CPQ: variants seen among roughly 807,000 people sequenced by gnomAD.
CPQ encodes carboxypeptidase Q, also known as Ser-Met dipeptidase.
CPQ carries 37 observed loss-of-function variants against 45.7 expected under a neutral mutation model. The ratio of observed to expected loss-of-function variants is 0.81; its 90% CI spans 0.62 to 1.07. CPQ has a LOEUF of 1.07. CPQ is among the 50% of genes least tolerant of loss of function. CPQ has a pLI of 0.00. For missense variants in CPQ, 537 were observed against 572.9 expected, an observed-to-expected ratio of 0.94 and a Z score of 0.64; for synonymous variants, 186 against 205.8, an observed-to-expected ratio of 0.90 and a Z score of 0.82.
At chr8:96,887,271 G>A (rs915897025) in intron 4 of CPQ, among the ~76,000 whole-genome samples, 1 of 152,144 alleles carries the variant, frequency 6.6e-6, no homozygotes, top group Non-Finnish European at 1.5e-5. Context: ...AGTGCGGAAA[G>A]TTCAAATGTA....
chr8:96,782,216 C>T (rs1810696370), intron 1 of CPQ, among the ~76,000 whole-genome samples: 1 of 152,194 alleles, frequency 6.6e-6, no homozygotes, highest in Non-Finnish European at 1.5e-5. Context: ...CTGTCTGATA[C>T]ATTCTTTAAA....
At chr8:96,940,296 G>C (rs1813107703) in intron 4 of CPQ, among the ~76,000 whole-genome samples, 1 of 152,042 alleles carries the variant, frequency 6.6e-6, no homozygotes, top group South Asian at 2.1e-4. Context: ...AAAACTGAAG[G>C]TTAACATTGC....
intron 1 of CPQ, among the ~76,000 whole-genome samples, chr8:96,753,500 A>G (rs943088514): frequency 6.6e-6 from 1 of 151,360 alleles, no homozygotes; most frequent in Admixed American, 6.6e-5. Flanking sequence ...TTATCTTTCC[A>G]TTTGTTTAAG....
chr8:96,934,923 T>C (rs1169568416), intron 4 of CPQ, among the ~76,000 whole-genome samples: 1 of 152,204 alleles, frequency 6.6e-6, no homozygotes, highest in Non-Finnish European at 1.5e-5. Flanking sequence ...TCTTCCACTA[T>C]GCAGCCTACA....
intron 1 of CPQ, among the ~76,000 whole-genome samples, chr8:96,686,934 A>G (rs990886989): frequency 6.6e-6 from 1 of 152,030 alleles, no homozygotes; most frequent in Admixed American, 6.6e-5. Context: ...TTAATTCTCA[A>G]ATTTACTCAC....
intron 3 of CPQ, among the ~76,000 whole-genome samples, chr8:96,850,022 CACCCAGCCTT>C (rs991049146): frequency 1.3e-5 from 2 of 152,180 alleles, no homozygotes; most frequent in African/African-American, 4.8e-5. Flanking sequence ...CATCAGACTA[CACCCAGCCTT>C]CCAGGATTAA....
chr8:96,867,075 T>A (rs1812005342), intron 3 of CPQ, among the ~76,000 whole-genome samples: 1 of 152,120 alleles, frequency 6.6e-6, no homozygotes, highest in South Asian at 2.1e-4. Flanking sequence ...TTTCCTATCA[T>A]CACCTGTTTT....
chr8:96,942,981 A>G (rs1167430736), intron 4 of CPQ, among the ~76,000 whole-genome samples: 1 of 152,166 alleles, frequency 6.6e-6, no homozygotes, highest in Non-Finnish European at 1.5e-5. Context: ...CTTATAGCTA[A>G]TCTAGTTGAG....
intron 1 of CPQ, among the ~76,000 whole-genome samples, chr8:96,722,116 A>G (rs1809771110): frequency 6.6e-6 from 1 of 152,148 alleles, no homozygotes; most frequent in South Asian, 2.1e-4. Context: ...TGTCTTGTCC[A>G]GTGCTATATC....
At chr8:96,676,979 T>G (rs1027829807) in intron 1 of CPQ, among the ~76,000 whole-genome samples, 2 of 152,072 alleles carry the variant, frequency 1.3e-5, no homozygotes, top group African/African-American at 4.8e-5. Flanking sequence ...TCCAGCTCCA[T>G]CTAACTTGCT....
At chr8:97,110,674 A>C (rs1053531629) in intron 7 of CPQ, among the ~76,000 whole-genome samples, 1 of 151,986 alleles carries the variant, frequency 6.6e-6, no homozygotes, top group Non-Finnish European at 1.5e-5. Flanking sequence ...CACTGCCTAT[A>C]TTCTTAGAGC....
chr8:96,948,638 G>A (rs780265359), intron 4 of CPQ, among the ~76,000 whole-genome samples: 3 of 152,018 alleles, frequency 2.0e-5, no homozygotes, highest in Non-Finnish European at 2.9e-5. Context: ...GAAATGCTCC[G>A]TATGTATCTG....
intron 7 of CPQ, among the ~76,000 whole-genome samples, chr8:97,120,357 C>T (rs915077679): frequency 2.7e-5 from 4 of 150,078 alleles, no homozygotes; most frequent in African/African-American, 4.9e-5. Context: ...ATTTTACAAG[C>T]TTATTCACTG....
rs1328910143 is a variant in CPQ at position 96,938,800 on chromosome 8, G to A, written c.850-27135G>A. Reference sequence around the variant, plus strand: ...AGAGAGCTGAGTGGAGAAAGGTGGAGAGTGGATCAGAGGGGCAAACAGAAG... The same window carrying A: ...AGAGAGCTGAGTGGAGAAAGGTGGAAAGTGGATCAGAGGGGCAAACAGAAG... On this transcript the variant is annotated intron_variant, in intron 4 of 7. Transcript: ENST00000220763. Among the ~76,000 whole-genome samples, 7 of 152,186 alleles carry A rather than the reference G, an allele frequency of 4.6e-5. No individual in the cohort carries two copies. In the East Asian group the frequency reaches 1.2e-3, roughly 25 times the overall value.
intron 1 of CPQ, among the ~76,000 whole-genome samples, chr8:96,683,447 G>T (rs528002779): frequency 6.6e-6 from 1 of 152,028 alleles, no homozygotes; most frequent in African/African-American, 2.4e-5. Context: ...TCTGTTTTTA[G>T]AATTCTCTCT....
chr8:97,049,132 G>A (rs578031526), intron 6 of CPQ, among the ~76,000 whole-genome samples: 1 of 152,242 alleles, frequency 6.6e-6, no homozygotes, highest in Admixed American at 6.5e-5. Flanking sequence ...TAATAAATTA[G>A]CATCGTCTTT....
At chr8:96,807,493 A>G (rs12677294) in intron 2 of CPQ, among the ~76,000 whole-genome samples, 43,219 of 151,992 alleles carry the variant, frequency 0.28, 7,529 homozygotes, top group Admixed American at 0.41. Flanking sequence ...TGGACCTCCC[A>G]AAGTGCTGGG....
At chr8:96,940,204 C>T (rs1385107552) in intron 4 of CPQ, among the ~76,000 whole-genome samples, 2 of 152,058 alleles carry the variant, frequency 1.3e-5, no homozygotes, top group Admixed American at 1.3e-4. Context: ...TAAAACAAAT[C>T]TGCCAAATGG....
rs538580303 is a variant in CPQ at position 96,948,729 on chromosome 8, G to A, written c.850-17206G>A. 1.2e-4 allele frequency among the ~76,000 whole-genome samples: 18 copies of A among 152,114 alleles called. 1 individual carries two copies. The South Asian group carries it at 3.7e-3, about 32-fold the overall frequency. On this transcript the variant is annotated intron_variant, in intron 4 of 7. Coordinates refer to ENST00000220763, the MANE Select transcript of CPQ (RefSeq NM_016134.4). Reference sequence around the variant, plus strand: ...CCGTATTGATGTCCTCTTCATTATTGAAAGTGTGGTATCGAAGTTTCCTAC... The same window carrying A: ...CCGTATTGATGTCCTCTTCATTATTAAAAGTGTGGTATCGAAGTTTCCTAC...
Sources: allele counts gnomAD v4.1 joint callset (sites outside exome capture counted in the v4.1 genomes callset), GRCh38; gene constraint gnomAD v4.1.1; transcripts MANE v1.5; gene names NCBI Gene and HGNC (gene_info 2026-07-23, HGNC 2026-07-21).